CSMD1: variants seen among roughly 807,000 people sequenced by gnomAD.
CSMD1 encodes the protein CUB and sushi domain-containing protein 1.
In CSMD1, 213 loss-of-function variants were observed where a neutral mutation model predicts 417.5. That is an observed-to-expected ratio of 0.51 (90% CI 0.46 to 0.57). CSMD1 has a LOEUF of 0.57. Among genes scored for constraint, CSMD1 ranks in the 20% least tolerant of loss-of-function variants. CSMD1 has a pLI of 0.00. For missense variants in CSMD1, 6,923 were observed against 4,529.7 expected (o/e 1.53, Z -15.17); for synonymous variants, 2,862 against 1,736.8 (o/e 1.65, Z -16.11).
At chr8:4,374,441 G>A (rs757477103) in intron 3 of CSMD1, among the ~76,000 whole-genome samples, 5 of 152,132 alleles carry the variant, frequency 3.3e-5, no homozygotes, top group Admixed American at 6.5e-5. Flanking sequence ...AGAAGGAATG[G>A]AACTTTATCT....
At chr8:3,882,446 C>T (rs1057158228) in intron 5 of CSMD1, among the ~76,000 whole-genome samples, 1 of 152,190 alleles carries the variant, frequency 6.6e-6, no homozygotes, top group Admixed American at 6.5e-5. Context: ...AAATTTCCTA[C>T]ACTACGGTGG....
At chr8:4,858,225 T>C (rs937500286) in intron 1 of CSMD1, among the ~76,000 whole-genome samples, 35 of 149,966 alleles carry the variant, frequency 2.3e-4, no homozygotes, top group Admixed American at 3.3e-4. Flanking sequence ...ACCTTCATGC[T>C]AAAAACTCTC....
intron 1 of CSMD1, among the ~76,000 whole-genome samples, chr8:4,764,105 G>A (rs1012287080): frequency 1.3e-5 from 2 of 152,144 alleles, no homozygotes; most frequent in Non-Finnish European, 2.9e-5. Flanking sequence ...CCTCCAGAGA[G>A]GTAATCTACT....
At chr8:3,290,116 T>C (rs940743311) in intron 25 of CSMD1, among the ~76,000 whole-genome samples, 1 of 146,940 alleles carries the variant, frequency 6.8e-6, no homozygotes, top group Non-Finnish European at 1.5e-5. Context: ...TTGTCAGGTT[T>C]GTCAAAGATC....
chr8:3,113,680 AG>A (rs1816676854), intron 42 of CSMD1, among the ~76,000 whole-genome samples: 1 of 152,120 alleles, frequency 6.6e-6, no homozygotes, highest in African/African-American at 2.4e-5. Context: ...AGAAGTGGGA[AG>A]GGGGTACTTT....
At chr8:4,435,791 T>A (rs888042097) in intron 2 of CSMD1, among the ~76,000 whole-genome samples, 9 of 152,170 alleles carry the variant, frequency 5.9e-5, no homozygotes, top group African/African-American at 1.9e-4. Flanking sequence ...AACAAGACAA[T>A]AGAAGACAGA....
intron 2 of CSMD1, among the ~76,000 whole-genome samples, chr8:4,468,762 T>C (rs1471606812): frequency 1.3e-5 from 2 of 152,230 alleles, no homozygotes; most frequent in African/African-American, 2.4e-5. Context: ...TATGTCTGAA[T>C]CAGCTTAGCA....
intron 3 of CSMD1, among the ~76,000 whole-genome samples, chr8:4,199,115 C>G (rs1191321968): frequency 1.3e-5 from 2 of 152,112 alleles, no homozygotes; most frequent in Non-Finnish European, 2.9e-5. Flanking sequence ...TTCTGCTGTC[C>G]GTAAAGTTCT....
At chr8:4,025,660 A>G (rs950290707) in intron 4 of CSMD1, among the ~76,000 whole-genome samples, 10 of 152,246 alleles carry the variant, frequency 6.6e-5, no homozygotes, top group Non-Finnish European at 1.2e-4. Context: ...AGAAAGACAC[A>G]GATCTTAAGT....
chr8:3,341,138 A>G (rs1030204195), intron 23 of CSMD1, among the ~76,000 whole-genome samples: 1 of 152,192 alleles, frequency 6.6e-6, no homozygotes, highest in Non-Finnish European at 1.5e-5. Context: ...CACAGTATCC[A>G]TGTGGGGTCC....
intron 7 of CSMD1, among the ~76,000 whole-genome samples, chr8:3,638,495 T>TGATGACAA (rs1306465371): frequency 1.3e-5 from 2 of 151,626 alleles, no homozygotes; most frequent in African/African-American, 4.8e-5. Flanking sequence ...GTGATGATAA[T>TGATGACAA]GATGACAAGA....
chr8:3,568,897 A>G (rs1379260843), intron 10 of CSMD1, among the ~76,000 whole-genome samples: 4 of 152,098 alleles, frequency 2.6e-5, no homozygotes, highest in South Asian at 2.1e-4. Context: ...AAACTTTCCA[A>G]TGAAGACCCC....
chr8:3,592,988 A>C (rs903226885), intron 8 of CSMD1, among the ~76,000 whole-genome samples: 4 of 152,188 alleles, frequency 2.6e-5, no homozygotes, highest in African/African-American at 9.6e-5. Flanking sequence ...ACCCCATCCC[A>C]AGGAGAAGTC....
intron 3 of CSMD1, among the ~76,000 whole-genome samples, chr8:4,259,019 A>T (rs1223654530): frequency 3.9e-5 from 6 of 152,226 alleles, no homozygotes; most frequent in Non-Finnish European, 8.8e-5. Flanking sequence ...GTTTGTTGGA[A>T]ATGTTGAACT....
chr8:4,649,050 G>C (rs893373479), intron 1 of CSMD1, among the ~76,000 whole-genome samples: 1 of 152,128 alleles, frequency 6.6e-6, no homozygotes, highest in Non-Finnish European at 1.5e-5. Flanking sequence ...TCTTCTTGTA[G>C]GCTTCAGTTG....
chr8:3,013,725 T>A (rs1377284185), intron 52 of CSMD1, among the ~76,000 whole-genome samples: 1 of 148,956 alleles, frequency 6.7e-6, no homozygotes, highest in Non-Finnish European at 1.5e-5. Context: ...GCACTCAGCC[T>A]GGGCAACTGA....
intron 3 of CSMD1, among the ~76,000 whole-genome samples, chr8:4,376,307 G>A (rs1446964921): frequency 6.6e-6 from 1 of 152,162 alleles, no homozygotes; most frequent in Admixed American, 6.5e-5. Context: ...AATTTAGAAA[G>A]TCAGGACATT....
chr8:3,241,087 C>T (rs149994884), intron 26 of CSMD1, among the ~76,000 whole-genome samples: 6,154 of 150,062 alleles, frequency 0.041, 333 homozygotes, highest in African/African-American at 0.1. Flanking sequence ...AAGAGGAGGA[C>T]GCAACGGAGG....
At chr8:3,795,188 C>G (rs63749768) in intron 5 of CSMD1, among the ~76,000 whole-genome samples, 3 of 50,598 alleles carry the variant, frequency 5.9e-5, no homozygotes, top group South Asian at 5.6e-4. Context: ...GCTATAGATA[C>G]CTATCATGTA....
Sources: allele counts gnomAD v4.1 joint callset (sites outside exome capture counted in the v4.1 genomes callset), GRCh38; gene constraint gnomAD v4.1.1; transcripts MANE v1.5; gene names NCBI Gene and HGNC (gene_info 2026-07-23, HGNC 2026-07-21).